CEP85L: variants seen among roughly 807,000 people sequenced by gnomAD.
CEP85L encodes the protein centrosomal protein of 85 kDa-like.
Under a neutral mutation model 100.3 loss-of-function variants are expected in CEP85L, and 60 were observed. The observed-to-expected ratio is 0.60, with a 90% confidence interval of 0.49 to 0.74. The LOEUF is 0.74. Ranked by LOEUF, CEP85L falls within the 30% of genes least tolerant of loss-of-function variation. CEP85L has a pLI of 0.00. For synonymous variants in CEP85L, 319 were observed against 322.7 expected, an observed-to-expected ratio of 0.99 and a Z score of 0.12; for missense variants, 973 against 936.2, an observed-to-expected ratio of 1.04 and a Z score of -0.51.
At chr6:118,494,150 G>A (rs1774769318) in intron 5 of CEP85L, among the ~76,000 whole-genome samples, 2 of 152,244 alleles carry the variant, frequency 1.3e-5, no homozygotes, top group Admixed American at 1.3e-4. Flanking sequence ...GCCAGGGTGG[G>A]AAAATCTGTA....
At chr6:118,657,710 T>A (rs896869029) in intron 1 of CEP85L, among the ~76,000 whole-genome samples, 13 of 149,472 alleles carry the variant, frequency 8.7e-5, no homozygotes, top group African/African-American at 3.2e-4. Flanking sequence ...TGCTTCTGAC[T>A]GGACTGGGCC....
chr6:118,623,138 T>G (rs1773561538), intron 2 of CEP85L, among the ~76,000 whole-genome samples: 1 of 152,144 alleles, frequency 6.6e-6, no homozygotes, highest in Non-Finnish European at 1.5e-5. Flanking sequence ...AAATCCCTAT[T>G]TACAGGGCCA....
intron 2 of CEP85L, among the ~76,000 whole-genome samples, chr6:118,611,782 G>A (rs1276507175): frequency 2.6e-5 from 4 of 151,976 alleles, no homozygotes; most frequent in Admixed American, 6.6e-5. Context: ...ATGATAAAAG[G>A]GCCGACAGAC....
At chr6:118,550,535 G>A (rs1373840236) in intron 3 of CEP85L, among the ~76,000 whole-genome samples, 3 of 151,576 alleles carry the variant, frequency 2.0e-5, no homozygotes, top group Non-Finnish European at 4.4e-5. Context: ...ATTTCATTTG[G>A]TCCTCTTAAT....
chr6:118,611,640 G>T (rs953360542), intron 2 of CEP85L, among the ~76,000 whole-genome samples: 1 of 152,092 alleles, frequency 6.6e-6, no homozygotes, highest in Non-Finnish European at 1.5e-5. Flanking sequence ...ACATAGATAG[G>T]TTGTATGTAA....
intron 2 of CEP85L, among the ~76,000 whole-genome samples, chr6:118,578,049 G>A (rs750567490): frequency 3.3e-5 from 5 of 152,184 alleles, no homozygotes; most frequent in Non-Finnish European, 7.4e-5. Flanking sequence ...AAATTTGAAG[G>A]GGAAGAACTA....
At chr6:118,530,237 G>C (rs1777215083) in intron 3 of CEP85L, among the ~76,000 whole-genome samples, 1 of 151,638 alleles carries the variant, frequency 6.6e-6, no homozygotes, top group Non-Finnish European at 1.5e-5. Context: ...GTAAAGTGGG[G>C]ATCCAGTTCA....
rs1330421078 is a variant in CEP85L at position 118,651,203 on chromosome 6, G to A, written c.67C>T (p.Pro23Ser). 26 of 1,495,568 alleles carry A rather than the reference G, an allele frequency of 1.7e-5. No individual in the cohort carries two copies. The highest frequency in any genetic ancestry group is 2.3e-5 in the Non-Finnish European group (26 of 1,129,260). 92.6% of individuals were successfully genotyped at this position (1,495,568 alleles called of 1,614,324 possible). Reference sequence around the variant, plus strand: ...GCGCTGTCCCGTTCCTTACCGGCAGGGAAGCTGCGGGCTCCGCCGGGGCTA... The same window carrying A: ...GCGCTGTCCCGTTCCTTACCGGCAGAGAAGCTGCGGGCTCCGCCGGGGCTA... ...RDSPGGARSF[P>S]AGPDYSSAWL... The change falls in exon 1 of 13, where the codon CCT becomes TCT. Residue 23 changes from proline (P) to serine (S), a missense_variant. Physicochemically the swap from Pro to Ser is moderately conservative, Grantham distance 74. Coordinates refer to ENST00000368491, the MANE Select transcript of CEP85L (RefSeq NM_001042475.3).
At chr6:118,610,188 ATAACTATAATAAGT>A (rs1772516464) in intron 2 of CEP85L, among the ~76,000 whole-genome samples, 1 of 152,214 alleles carries the variant, frequency 6.6e-6, no homozygotes, top group Admixed American at 6.5e-5. Flanking sequence ...GGTTGTACAG[ATAACTATAATAAGT>A]AATACCAGGT....
intron 2 of CEP85L, 111 bp downstream of exon 2, chr6:118,632,342 T>C (rs1774220143): frequency 1.1e-6 from 1 of 881,394 alleles, no homozygotes; most frequent in African/African-American, 1.7e-5. Context: ...TTATTAAATA[T>C]TCAAACACTA....
Position 118,473,289 on chromosome 6 carries a change from T to C in CEP85L, c.1915-2645A>G, listed in dbSNP as rs944880045. Among the ~76,000 whole-genome samples, 3 of 152,132 alleles carry C rather than the reference T, an allele frequency of 2.0e-5. 1 individual carries two copies. The South Asian group carries it at 6.2e-4, about 32-fold the overall frequency. Reference sequence around the variant, plus strand: ...ACAGTATCATGTATTAGAATTTGACTAGTGCTGTGGAGAACAGAGCACAGT... The same window carrying C: ...ACAGTATCATGTATTAGAATTTGACCAGTGCTGTGGAGAACAGAGCACAGT... On this transcript the variant is annotated intron_variant, in intron 10 of 12. Coordinates refer to ENST00000368491, the MANE Select transcript of CEP85L (RefSeq NM_001042475.3).
At chr6:118,567,249 G>GCA (rs1779598625) in intron 2 of CEP85L, among the ~76,000 whole-genome samples, 2 of 43,778 alleles carry the variant, frequency 4.6e-5, no homozygotes, top group South Asian at 8.9e-4. Flanking sequence ...GTGTGTGTGT[G>GCA]TATATATATA....
chr6:118,491,196 T>C (rs66672811), intron 6 of CEP85L, among the ~76,000 whole-genome samples: 17,731 of 116,780 alleles, frequency 0.15, 1,769 homozygotes, highest in Non-Finnish European at 0.19. Context: ...CCAACATCTA[T>C]ACACACACAC....
intron 2 of CEP85L, among the ~76,000 whole-genome samples, chr6:118,593,683 T>TAA (rs35539336): frequency 9.1e-5 from 13 of 142,906 alleles, no homozygotes; most frequent in African/African-American, 2.9e-4. Flanking sequence ...TAATGCTGTT[T>TAA]AAAAAAAAAA....
intron 1 of CEP85L, among the ~76,000 whole-genome samples, chr6:118,649,981 C>T (rs1245909307): frequency 6.6e-6 from 1 of 152,150 alleles, no homozygotes; most frequent in African/African-American, 2.4e-5. Context: ...TTTCAATAGC[C>T]TGATACTAGT....
At chr6:118,559,207 G>C in intron 3 of CEP85L, 2 of 804,586 alleles carry the variant, frequency 2.5e-6, no homozygotes, top group East Asian at 4.9e-5. Context: ...TTGTGAAAAG[G>C]TCAAGATTAA....
rs1772353956 is a variant in CEP85L, at chr6:118,463,896, T to A, written c.*1509A>T. ...GTCTCACATTTTCACTTTTAAATAT[T>A]TAAGAAAAATCTTTCCTAGGAGAGC... On this transcript the variant is annotated 3_prime_UTR_variant, in exon 13 of 13. Transcript: ENST00000368491. The A allele has an allele frequency of 6.6e-6, 1 of 152,168 alleles. No individual in the cohort carries two copies. The highest frequency in any genetic ancestry group is 2.4e-5 in the African/African-American group (1 of 41,462). The allele number at this position is 152,168 out of a possible 1,614,324, so 9.4% of individuals were successfully genotyped here. A position where few individuals can be genotyped will look rare whatever the true frequency, so the allele number is the denominator to read the frequency against.
At chr6:118,645,120 A>G (rs1775096394) in intron 1 of CEP85L, among the ~76,000 whole-genome samples, 1 of 152,204 alleles carries the variant, frequency 6.6e-6, no homozygotes, top group Non-Finnish European at 1.5e-5. Context: ...CTCCAGACTC[A>G]CTGGAGTTCT....
intron 10 of CEP85L, among the ~76,000 whole-genome samples, chr6:118,475,923 A>T (rs1224149655): frequency 6.6e-6 from 1 of 152,160 alleles, no homozygotes; most frequent in Non-Finnish European, 1.5e-5. Flanking sequence ...AAAGTTAGGG[A>T]CTGCCTGAGG....
Sources: allele counts gnomAD v4.1 joint callset (sites outside exome capture counted in the v4.1 genomes callset), GRCh38; gene constraint gnomAD v4.1.1; transcripts MANE v1.5; gene names NCBI Gene and HGNC (gene_info 2026-07-23, HGNC 2026-07-21).